The following SGCD variants were observed in gnomAD, a reference collection of about 807,000 sequenced individuals.
SGCD encodes sarcoglycan delta, also known as delta-sarcoglycan.
In SGCD, 18 loss-of-function variants were observed where a neutral mutation model predicts 36.6. The observed-to-expected ratio is 0.49, with a 90% CI of 0.34 to 0.73. The LOEUF (loss-of-function observed/expected upper bound fraction) is 0.73, where lower values mean the gene tolerates loss of function less well. Among genes scored for constraint, SGCD ranks in the 30% least tolerant of loss-of-function variants. The pLI, the probability that SGCD is intolerant of heterozygous loss-of-function variation, is 0.01. For missense variants in SGCD, 387 were observed against 346.7 expected (o/e 1.12, Z -0.92); for synonymous variants, 133 against 130.6 (o/e 1.02, Z -0.12).
chr5:156,037,690 T>C (rs1247684552), intron 1 of SGCD, among the ~76,000 whole-genome samples: 3 of 152,184 alleles, frequency 2.0e-5, no homozygotes, highest in Non-Finnish European at 4.4e-5. Flanking sequence ...AATGAGTCAT[T>C]GTCTTTTTAA....
intron 1 of SGCD, among the ~76,000 whole-genome samples, chr5:156,042,594 T>C (rs1759664890): frequency 6.6e-6 from 1 of 152,168 alleles, no homozygotes; most frequent in Non-Finnish European, 1.5e-5. Flanking sequence ...ATAGTTTTGA[T>C]GGGCCTGGAA....
At chr5:156,443,836 G>A (rs1251736664) in intron 3 of SGCD, among the ~76,000 whole-genome samples, 1 of 152,178 alleles carries the variant, frequency 6.6e-6, no homozygotes, top group African/African-American at 2.4e-5. Context: ...GCACACAGCA[G>A]TGGGCTGTGG....
At chr5:156,610,747 G>A (rs372613631) in intron 6 of SGCD, among the ~76,000 whole-genome samples, 56 of 152,312 alleles carry the variant, frequency 3.7e-4, no homozygotes, top group African/African-American at 5.1e-4. Context: ...AAAGGTGGGC[G>A]CCCCTCCCCC....
rs369768190 is a variant in SGCD, at chr5:156,631,032, A to G, written c.503-16432A>G. On this transcript the variant is annotated intron_variant, in intron 6 of 8. Coordinates refer to ENST00000337851, the MANE Select transcript of SGCD (RefSeq NM_000337.6). ...TACCTGCCCCAGCCAAGGAAGGGCA[A>G]TATGGTCATAGATATTCTGAGTCTT... is the stretch of plus-strand genomic sequence containing the variant. Among the ~76,000 whole-genome samples the G allele has an allele frequency of 2.3e-3, 355 of 152,334 alleles. 1 individual carries two copies. The highest frequency in any genetic ancestry group is 7.9e-3 in the African/African-American group (329 of 41,584).
intron 3 of SGCD, among the ~76,000 whole-genome samples, chr5:156,279,638 G>A (rs572680936): frequency 3.3e-5 from 5 of 152,282 alleles, no homozygotes; most frequent in Non-Finnish European, 7.4e-5. Flanking sequence ...AGTGGGTTGG[G>A]AAAAGTGTTG....
At chr5:156,070,505 T>C (rs1760512826) in intron 1 of SGCD, among the ~76,000 whole-genome samples, 1 of 150,068 alleles carries the variant, frequency 6.7e-6, no homozygotes, top group Admixed American at 6.6e-5. Context: ...CTGATAAGCT[T>C]TTTGATGTGC....
chr5:155,918,879 A>G (rs1164274550), intron 1 of SGCD, among the ~76,000 whole-genome samples: 1 of 152,174 alleles, frequency 6.6e-6, no homozygotes, highest in Non-Finnish European at 1.5e-5. Flanking sequence ...CATAAAGAAT[A>G]TGTGTATATG....
chr5:155,779,159 A>T, the SGCD span, among the ~76,000 whole-genome samples: 2 of 152,188 alleles, frequency 1.3e-5, no homozygotes, highest in Non-Finnish European at 2.9e-5. Flanking sequence ...CCATATTTTA[A>T]TTTTTAAAAA....
intron 1 of SGCD, among the ~76,000 whole-genome samples, chr5:156,114,803 C>A (rs1231581892): frequency 6.6e-6 from 1 of 152,100 alleles, no homozygotes; most frequent in African/African-American, 2.4e-5. Flanking sequence ...GATTAATGTT[C>A]TTACAGGCCT....
At chr5:155,856,813 T>C in the SGCD span, among the ~76,000 whole-genome samples, 3 of 152,106 alleles carry the variant, frequency 2.0e-5, no homozygotes, top group Non-Finnish European at 2.9e-5. Flanking sequence ...ACACATCTAT[T>C]AGAGGGGCTA....
chr5:155,934,722 A>G (rs1757163378), intron 1 of SGCD, among the ~76,000 whole-genome samples: 2 of 152,200 alleles, frequency 1.3e-5, no homozygotes, highest in African/African-American at 4.8e-5. Context: ...TCTATGATTT[A>G]GGATGTCATA....
At chr5:155,868,085 T>C (rs1422660367), upstream of SGCD, among the ~76,000 whole-genome samples, 1 of 151,956 alleles carries the variant, frequency 6.6e-6, no homozygotes, top group Non-Finnish European at 1.5e-5. Flanking sequence ...GGAGTCTTGC[T>C]CTGTCGCCCA....
intron 3 of SGCD, among the ~76,000 whole-genome samples, chr5:156,245,348 A>G (rs1479385331): frequency 6.6e-6 from 1 of 152,194 alleles, no homozygotes; most frequent in Non-Finnish European, 1.5e-5. Context: ...ATTGATAGGA[A>G]AATGCCAGCT....
At chr5:156,652,310 G>A (rs1180406542) in intron 7 of SGCD, among the ~76,000 whole-genome samples, 1 of 151,466 alleles carries the variant, frequency 6.6e-6, no homozygotes, top group African/African-American at 2.4e-5. Context: ...GTGAAACCCT[G>A]TCTCTACCAA....
At chr5:156,550,555 A>G (rs546936611) in intron 4 of SGCD, among the ~76,000 whole-genome samples, 133 of 152,330 alleles carry the variant, frequency 8.7e-4, no homozygotes, top group African/African-American at 3.0e-3. Context: ...TGGTCCACAG[A>G]TACATCACCA....
At chr5:156,130,330 G>T (rs931959685) in intron 3 of SGCD, among the ~76,000 whole-genome samples, 4 of 151,964 alleles carry the variant, frequency 2.6e-5, no homozygotes, top group Non-Finnish European at 5.9e-5. Flanking sequence ...TTTTTAATGG[G>T]GTTGCTTGTT....
the SGCD span, among the ~76,000 whole-genome samples, chr5:155,854,784 T>C: frequency 6.6e-6 from 1 of 152,124 alleles, no homozygotes; most frequent in Non-Finnish European, 1.5e-5. Flanking sequence ...ATAATAGAAA[T>C]TATTATAACA....
chr5:155,947,915 T>C (rs62380670), intron 1 of SGCD, among the ~76,000 whole-genome samples: 27,573 of 151,702 alleles, frequency 0.18, 3,115 homozygotes, highest in Admixed American at 0.37. Context: ...AAGCCTCAAG[T>C]TTTTCATCTA....
At chr5:156,178,273 C>G (rs1241727737) in intron 3 of SGCD, among the ~76,000 whole-genome samples, 2 of 152,044 alleles carry the variant, frequency 1.3e-5, no homozygotes, top group Non-Finnish European at 1.5e-5. Context: ...CTTTGTGTAA[C>G]TGAATCGTAA....
Sources: allele counts gnomAD v4.1 joint callset (sites outside exome capture counted in the v4.1 genomes callset), GRCh38; gene constraint gnomAD v4.1.1; transcripts MANE v1.5; gene names NCBI Gene and HGNC (gene_info 2026-07-23, HGNC 2026-07-21).